Variants in ABRACL observed in about 807,000 individuals in gnomAD.
ABRACL encodes the protein costars family protein ABRACL.
A neutral mutation model predicts 7.0 loss-of-function variants in ABRACL; 4 were observed. The observed-to-expected ratio is 0.57, with a 90% confidence interval of 0.28 to 1.30. The LOEUF (loss-of-function observed/expected upper bound fraction) is 1.30. Among genes scored for constraint, ABRACL ranks in the 50% most tolerant of loss-of-function variants. The pLI, the probability that ABRACL is intolerant of heterozygous loss-of-function variation, is 0.10. For missense variants in ABRACL, 104 were observed against 97.3 expected, an observed-to-expected ratio of 1.07 and a Z score of -0.29; for synonymous variants, 30 against 36.0, an observed-to-expected ratio of 0.83 and a Z score of 0.60.
chr6:139,035,771 C>T (rs368642291), intron 2 of ABRACL, among the ~76,000 whole-genome samples: 39 of 150,888 alleles, frequency 2.6e-4, no homozygotes, highest in African/African-American at 8.3e-4. Context: ...GTGTGAGCCA[C>T]CACACCCGGC....
intron 2 of ABRACL, among the ~76,000 whole-genome samples, chr6:139,035,436 A>G (rs1045398749): frequency 2.0e-5 from 3 of 152,074 alleles, no homozygotes; most frequent in African/African-American, 7.2e-5. Context: ...AAAGCGAGCA[A>G]GAGCTGATTG....
chr6:139,036,265 C>G (rs913847994), intron 2 of ABRACL, among the ~76,000 whole-genome samples: 1 of 152,012 alleles, frequency 6.6e-6, no homozygotes, highest in African/African-American at 2.4e-5. Flanking sequence ...GTTTTAAGGA[C>G]TTTTTGGATT....
At chr6:139,042,317 C>T (rs1423588398) in intron 2 of ABRACL, among the ~76,000 whole-genome samples, 7 of 152,100 alleles carry the variant, frequency 4.6e-5, no homozygotes, top group African/African-American at 1.4e-4. Flanking sequence ...CTGGGGATTC[C>T]GAGTGTTCAG....
intron 2 of ABRACL, chr6:139,034,654 G>T: frequency 2.9e-6 from 1 of 341,710 alleles, no homozygotes; most frequent in Non-Finnish European, 5.3e-6. Context: ...TAAATGACTA[G>T]GGATTTACAT....
At chr6:139,038,835 C>T (rs914391551) in intron 2 of ABRACL, among the ~76,000 whole-genome samples, 2 of 152,152 alleles carry the variant, frequency 1.3e-5, no homozygotes, top group African/African-American at 4.8e-5. Flanking sequence ...TGCTGTGTGA[C>T]CTTGGCTACT....
intron 2 of ABRACL, among the ~76,000 whole-genome samples, chr6:139,040,920 A>G (rs1473350838): frequency 2.6e-5 from 4 of 152,158 alleles, no homozygotes; most frequent in Non-Finnish European, 5.9e-5. Context: ...AGTGTGTGCT[A>G]GGCACTGTGC....
intron 2 of ABRACL, among the ~76,000 whole-genome samples, chr6:139,040,306 C>T (rs1337308370): frequency 2.0e-5 from 3 of 152,090 alleles, no homozygotes; most frequent in Admixed American, 6.5e-5. Context: ...AAGGAATTAA[C>T]TGTGATTGGA....
chr6:139,040,563 G>A (rs770259706), intron 2 of ABRACL, among the ~76,000 whole-genome samples: 1 of 152,124 alleles, frequency 6.6e-6, no homozygotes, highest in African/African-American at 2.4e-5. Flanking sequence ...CTCATTTGAT[G>A]GATACCTGAA....
Position 139,028,867 on chromosome 6 carries a change from C to G in ABRACL, c.-15C>G, listed in dbSNP as rs1786032718. The G allele has an allele frequency of 6.6e-6, 1 of 152,482 alleles. No individual in the cohort carries two copies. Among genetic ancestry groups the G allele is most frequent in the Non-Finnish European group, 1.5e-5 (1 of 68,256 alleles). The allele number at this position is 152,482 out of a possible 1,614,324, so 9.4% of individuals were successfully genotyped here. ...AGTTCTCCGGCGGGAAGGAAAACCG[C>G]GCAGAGAGGTGCGTGAGCGCCCGGG... On this transcript the variant is annotated 5_prime_UTR_variant, in exon 1 of 3. Transcript: ENST00000367660.
chr6:139,040,091 CAAAAAA>C (rs887844371), intron 2 of ABRACL, among the ~76,000 whole-genome samples: 1 of 151,070 alleles, frequency 6.6e-6, no homozygotes, highest in Non-Finnish European at 1.5e-5. Context: ...CACCCTGTCT[CAAAAAA>C]AGAAAAAAGA....
intron 2 of ABRACL, among the ~76,000 whole-genome samples, chr6:139,036,170 G>A (rs1462996697): frequency 4.7e-5 from 7 of 150,328 alleles, no homozygotes; most frequent in African/African-American, 1.7e-4. Flanking sequence ...TGAACTCCTG[G>A]CCTCAAGTGA....
chr6:139,042,536 T>C (rs1190335115), intron 2 of ABRACL, among the ~76,000 whole-genome samples, 183 bp from the exon 3 acceptor site: 5 of 152,258 alleles, frequency 3.3e-5, no homozygotes, highest in Non-Finnish European at 7.3e-5. Context: ...GCATATAGCA[T>C]GTATTTATTC....
chr6:139,041,965 C>T (rs6906235), intron 2 of ABRACL, among the ~76,000 whole-genome samples: 54,862 of 151,766 alleles, frequency 0.36, 10,323 homozygotes, highest in Non-Finnish European at 0.41. Context: ...TGATGGCCAT[C>T]GTCTTGACAG....
chr6:139,031,950 T>C (rs776285054), intron 1 of ABRACL, among the ~76,000 whole-genome samples: 2 of 132,934 alleles, frequency 1.5e-5, no homozygotes. Context: ...CTGCTATTAA[T>C]AGTTTTTTCC....
chr6:139,036,699 A>C (rs79291380), intron 2 of ABRACL, among the ~76,000 whole-genome samples: 3 of 152,168 alleles, frequency 2.0e-5, no homozygotes, highest in Non-Finnish European at 4.4e-5. Context: ...ATAAAATCTC[A>C]TAGTCCAGGT....
intron 2 of ABRACL, among the ~76,000 whole-genome samples, chr6:139,039,000 G>A (rs1216532383): frequency 6.6e-6 from 1 of 152,232 alleles, no homozygotes; most frequent in Non-Finnish European, 1.5e-5. Flanking sequence ...AAGGCAGGCA[G>A]ATTGCCTGAG....
intron 1 of ABRACL, among the ~76,000 whole-genome samples, chr6:139,033,585 G>A (rs1187671408): frequency 6.6e-6 from 1 of 152,124 alleles, no homozygotes; most frequent in Non-Finnish European, 1.5e-5. Flanking sequence ...GCCTTGCTTT[G>A]TGTATGCACT....
At chr6:139,041,428 TCTC>T in intron 2 of ABRACL, among the ~76,000 whole-genome samples, 1 of 35,592 alleles carries the variant, frequency 2.8e-5, no homozygotes, top group East Asian at 5.3e-3. Context: ...CAGACCCATC[TCTC>T]TCTCTCTCTC....
rs1582903189 is a variant in ABRACL, at chr6:139,042,991, A to T, written c.*88A>T. ...AAAGAACAAACATTTGAACATACTT[A>T]ATGTATTTTTATAGAACTTTGTAAA... On this transcript the variant is annotated 3_prime_UTR_variant, in exon 3 of 3. Coordinates refer to ENST00000367660, the MANE Select transcript of ABRACL (RefSeq NM_021243.3). The T allele has an allele frequency of 8.7e-7, 1 of 1,147,144 alleles. No homozygotes were observed. The highest frequency in any genetic ancestry group is 1.2e-6 in the Non-Finnish European group (1 of 836,634). The allele number at this position is 1,147,144 out of a possible 1,614,324, so 71.1% of individuals were successfully genotyped here. A position where few individuals can be genotyped will look rare whatever the true frequency, so the allele number is the denominator to read the frequency against.
Sources: gnomAD v4.1 joint callset for allele counts (sites outside exome capture counted in the v4.1 genomes callset) on GRCh38, gnomAD v4.1.1 for gene constraint, MANE v1.5 for transcripts, NCBI Gene and HGNC (gene_info 2026-07-23, HGNC 2026-07-21) for gene names.